Variants in RBPMS observed in about 807,000 individuals in gnomAD.
The protein encoded by RBPMS is RNA binding protein, mRNA processing factor.
In RBPMS, 7 loss-of-function variants were observed where a neutral mutation model predicts 26.8. The ratio of observed to expected loss-of-function variants is 0.26; its 90% CI spans 0.15 to 0.49. RBPMS has a LOEUF of 0.49. RBPMS is among the 20% of genes least tolerant of loss of function. The probability of loss-of-function intolerance (pLI) is 0.98; values close to 1 mark genes in which losing one functional copy is unlikely to be tolerated. For missense variants in RBPMS, 186 were observed against 250.0 expected, an observed-to-expected ratio of 0.74 and a Z score of 1.73; for synonymous variants, 96 against 93.3, an observed-to-expected ratio of 1.03 and a Z score of -0.17.
chr8:30,521,715 A>C (rs904754512), intron 5 of RBPMS, among the ~76,000 whole-genome samples: 34 of 151,448 alleles, frequency 2.2e-4, no homozygotes, highest in Admixed American at 1.6e-3. Context: ...CCCTTTTTTT[A>C]GGCTGGGTAA....
intron 1 of RBPMS, among the ~76,000 whole-genome samples, chr8:30,464,054 T>G (rs1254512451): frequency 6.6e-6 from 1 of 152,188 alleles, no homozygotes; most frequent in Non-Finnish European, 1.5e-5. Context: ...CTTGACAGGC[T>G]TAGGCAGGAG....
chr8:30,556,096 G>C, intron 6 of RBPMS: 2 of 985,388 alleles, frequency 2.0e-6, no homozygotes, highest in Non-Finnish European at 2.4e-6. Flanking sequence ...TGTGGATGCG[G>C]TGAGAAGAGC....
At chr8:30,486,914 C>T (rs1325879633) in intron 4 of RBPMS, among the ~76,000 whole-genome samples, 1 of 152,146 alleles carries the variant, frequency 6.6e-6, no homozygotes, top group Non-Finnish European at 1.5e-5. Context: ...TTTAAACTTA[C>T]ATAATTTTAA....
At chr8:30,450,017 T>C (rs920931851) in intron 1 of RBPMS, among the ~76,000 whole-genome samples, 2 of 152,232 alleles carry the variant, frequency 1.3e-5, no homozygotes, top group East Asian at 1.9e-4. Context: ...AAGAACAGTT[T>C]ATCTTTCTTT....
intron 5 of RBPMS, among the ~76,000 whole-genome samples, chr8:30,505,844 C>T (rs1032496420): frequency 6.6e-6 from 1 of 152,168 alleles, no homozygotes; most frequent in African/African-American, 2.4e-5. Context: ...AATTTCTTCT[C>T]TCTTGATCAA....
At chr8:30,561,877 A>G in intron 7 of RBPMS, 1 of 985,328 alleles carries the variant, frequency 1.0e-6, no homozygotes, top group South Asian at 4.7e-5. Flanking sequence ...CGTGGGTTCC[A>G]GTGACAGAGA....
chr8:30,495,280 GTT>G (rs11331221), intron 4 of RBPMS, among the ~76,000 whole-genome samples: 55 of 128,930 alleles, frequency 4.3e-4, no homozygotes, highest in Admixed American at 9.5e-4. Context: ...AATTATGAAG[GTT>G]TTTTTTTTTT....
chr8:30,548,845 C>A (rs187862063), intron 6 of RBPMS, among the ~76,000 whole-genome samples: 3 of 152,316 alleles, frequency 2.0e-5, no homozygotes, highest in Non-Finnish European at 2.9e-5. Context: ...AAAAGCAAAT[C>A]GTATTAAGCA....
intron 6 of RBPMS, among the ~76,000 whole-genome samples, chr8:30,557,316 C>G (rs1173593558): frequency 6.6e-6 from 1 of 152,198 alleles, no homozygotes; most frequent in Non-Finnish European, 1.5e-5. Context: ...GTGCTCGGAC[C>G]AGGGACAAGG....
intron 1 of RBPMS, among the ~76,000 whole-genome samples, chr8:30,385,629 G>GAAAT (rs1806966567): frequency 6.6e-6 from 1 of 152,096 alleles, no homozygotes; most frequent in African/African-American, 2.4e-5. Flanking sequence ...AGTTCTTGGT[G>GAAAT]AAATATCTTT....
intron 5 of RBPMS, among the ~76,000 whole-genome samples, chr8:30,544,250 C>T (rs1247974155): frequency 6.6e-6 from 1 of 152,224 alleles, no homozygotes; most frequent in Non-Finnish European, 1.5e-5. Context: ...AAGGCGGAGT[C>T]CAGGCCTGAG....
At chr8:30,554,423 A>C (rs1303598567) in intron 6 of RBPMS, among the ~76,000 whole-genome samples, 1 of 152,272 alleles carries the variant, frequency 6.6e-6, no homozygotes, top group African/African-American at 2.4e-5. Context: ...AGATCAAGTC[A>C]AACAGGTTTC....
intron 1 of RBPMS, among the ~76,000 whole-genome samples, chr8:30,449,134 G>A (rs949271628): frequency 2.0e-5 from 3 of 152,118 alleles, no homozygotes; most frequent in African/African-American, 7.2e-5. Context: ...TTCCCATTGT[G>A]GCACGTATTC....
intron 5 of RBPMS, among the ~76,000 whole-genome samples, chr8:30,506,904 G>A (rs1360853320): frequency 2.0e-5 from 3 of 152,186 alleles, no homozygotes; most frequent in Non-Finnish European, 4.4e-5. Context: ...AGCACCCAAT[G>A]TGCTAGACCC....
intron 1 of RBPMS, among the ~76,000 whole-genome samples, chr8:30,448,626 A>G (rs1814156938): frequency 6.6e-6 from 1 of 152,270 alleles, no homozygotes; most frequent in African/African-American, 2.4e-5. Context: ...AGCAGTGGGT[A>G]GAAATGGGTA....
At chr8:30,523,876 CCTTTAA>C (rs1403367311) in intron 5 of RBPMS, among the ~76,000 whole-genome samples, 1 of 151,970 alleles carries the variant, frequency 6.6e-6, no homozygotes, top group Non-Finnish European at 1.5e-5. Context: ...ACTCATTTTT[CCTTTAA>C]CTTTTTGTTA....
chr8:30,506,862 C>T (rs192843015), intron 5 of RBPMS, among the ~76,000 whole-genome samples: 168 of 152,280 alleles, frequency 1.1e-3, no homozygotes, highest in Non-Finnish European at 1.3e-3. Context: ...TCTCAATTCT[C>T]CATAAATATA....
chr8:30,483,783 C>T (rs959539260), intron 4 of RBPMS, among the ~76,000 whole-genome samples: 2 of 152,010 alleles, frequency 1.3e-5, no homozygotes, highest in East Asian at 1.9e-4. Context: ...TTTTCCCCAG[C>T]CCCTGGTAAT....
intron 1 of RBPMS, among the ~76,000 whole-genome samples, chr8:30,458,592 A>C (rs1292835532): frequency 6.6e-6 from 1 of 152,356 alleles, no homozygotes; most frequent in African/African-American, 2.4e-5. Flanking sequence ...ACAAAAACAA[A>C]TAGATTTAGT....
Sources: allele counts gnomAD v4.1 joint callset (sites outside exome capture counted in the v4.1 genomes callset), GRCh38; gene constraint gnomAD v4.1.1; transcripts MANE v1.5; gene names NCBI Gene and HGNC (gene_info 2026-07-23, HGNC 2026-07-21).